MEGF11: variants seen among roughly 807,000 people sequenced by gnomAD.
MEGF11 encodes multiple EGF like domains 11, also known as multiple epidermal growth factor-like domains protein 11.
In MEGF11, 126 loss-of-function variants were observed where a neutral mutation model predicts 146.6. That is an observed-to-expected ratio of 0.86 (90% CI 0.74 to 1.00). The LOEUF (loss-of-function observed/expected upper bound fraction) is 1.00. Ranked by LOEUF, MEGF11 falls within the 50% of genes least tolerant of loss-of-function variation. MEGF11 has a pLI of 0.00. For synonymous variants in MEGF11, 532 were observed against 583.4 expected (o/e 0.91, Z 1.27); for missense variants, 1,509 against 1,521.2 (o/e 0.99, Z 0.13).
At chr15:66,021,525 AGAG>A (rs1486265103) in intron 5 of MEGF11, among the ~76,000 whole-genome samples, 1 of 152,248 alleles carries the variant, frequency 6.6e-6, no homozygotes, top group East Asian at 1.9e-4. Context: ...AGTCTGAAAT[AGAG>A]GAGAATTGGC....
chr15:66,093,459 G>A (rs1385072588), intron 5 of MEGF11, among the ~76,000 whole-genome samples: 15 of 152,176 alleles, frequency 9.9e-5, no homozygotes, highest in Non-Finnish European at 1.5e-5. Context: ...CCCCAAGATG[G>A]GCGAATAATC....
chr15:66,238,875 T>C (rs1275646460), intron 1 of MEGF11, among the ~76,000 whole-genome samples: 1 of 138,596 alleles, frequency 7.2e-6, no homozygotes, highest in Non-Finnish European at 1.5e-5. Flanking sequence ...ATAAACCATC[T>C]ACTAACTTAC....
At chr15:65,989,289 G>C (rs142235536) in intron 5 of MEGF11, among the ~76,000 whole-genome samples, 1 of 152,154 alleles carries the variant, frequency 6.6e-6, no homozygotes, top group Non-Finnish European at 1.5e-5. Context: ...TGAATTGAAG[G>C]TCAAGGGATG....
intron 1 of MEGF11, among the ~76,000 whole-genome samples, chr15:66,165,949 G>A (rs2090086134): frequency 6.6e-6 from 1 of 152,162 alleles, no homozygotes; most frequent in Non-Finnish European, 1.5e-5. Flanking sequence ...AGGCAGGGTG[G>A]CTGAGCTCTG....
chr15:65,974,638 CAGTG>C (rs1477102547), intron 7 of MEGF11, among the ~76,000 whole-genome samples: 2 of 152,058 alleles, frequency 1.3e-5, no homozygotes, highest in Non-Finnish European at 2.9e-5. Flanking sequence ...CTGGGCAACA[CAGTG>C]AGACTCCATC....
chr15:66,233,450 G>T (rs1232852078), intron 1 of MEGF11, among the ~76,000 whole-genome samples: 1 of 152,090 alleles, frequency 6.6e-6, no homozygotes, highest in Non-Finnish European at 1.5e-5. Context: ...TGGTCAGGCT[G>T]GTCTCGAACT....
rs550044679 is a variant in MEGF11, at chr15:66,094,627, G to T, written c.302-133C>A. 5.7e-6 allele frequency: 4 copies of T among 699,466 alleles called. No individual in the cohort carries two copies. The South Asian group carries it at 6.1e-5, about 11-fold the overall frequency. 43.3% of individuals were successfully genotyped at this position (699,466 alleles called of 1,614,324 possible). A position where few individuals can be genotyped will look rare whatever the true frequency, so the allele number is the denominator to read the frequency against. ...TGCTTAGAACGCATGACTGGCTTGG[G>T]GGGGAAAATCAAGCTACACCTGACC... On this transcript the variant is annotated intron_variant, in intron 4 of 25. Coordinates refer to ENST00000395614, the MANE Select transcript of MEGF11 (RefSeq NM_001385028.1).
intron 5 of MEGF11, among the ~76,000 whole-genome samples, chr15:66,027,171 A>AAGCACACTTCCAGACTGATC (rs1037977651): frequency 2.0e-5 from 3 of 152,178 alleles, no homozygotes; most frequent in African/African-American, 7.2e-5. Context: ...ACTCAGAAAC[A>AAGCACACTTCCAGACTGATC]AGCACACTTC....
intron 1 of MEGF11, among the ~76,000 whole-genome samples, chr15:66,248,230 C>A (rs774771854): frequency 6.6e-6 from 1 of 152,172 alleles, no homozygotes; most frequent in Non-Finnish European, 1.5e-5. Flanking sequence ...TGAAAAGCAT[C>A]CGGATCTTTC....
At chr15:65,901,921 G>C (rs778039107) in intron 24 of MEGF11, 2 of 151,904 alleles carry the variant, frequency 1.3e-5, no homozygotes. Context: ...TTAGTAAATA[G>C]TTTAGTCAGG....
chr15:66,169,283 T>C (rs1369243161), intron 1 of MEGF11, among the ~76,000 whole-genome samples: 1 of 152,214 alleles, frequency 6.6e-6, no homozygotes, highest in Non-Finnish European at 1.5e-5. Context: ...AATGATGCAA[T>C]TGAGCCACCT....
chr15:66,096,110 C>T (rs1474809186), intron 4 of MEGF11, among the ~76,000 whole-genome samples: 1 of 152,202 alleles, frequency 6.6e-6, no homozygotes, highest in African/African-American at 2.4e-5. Flanking sequence ...CTCAGCCCAG[C>T]CAGCTCCCAG....
At chr15:65,996,573 C>T (rs2082207566) in intron 5 of MEGF11, among the ~76,000 whole-genome samples, 2 of 151,978 alleles carry the variant, frequency 1.3e-5, no homozygotes, top group Admixed American at 1.3e-4. Context: ...GCAACCTCTG[C>T]CTCCCGGGTT....
chr15:66,168,565 C>A (rs1015247236), intron 1 of MEGF11, among the ~76,000 whole-genome samples: 17 of 152,194 alleles, frequency 1.1e-4, no homozygotes, highest in Admixed American at 1.3e-4. Context: ...GGGAGGGAAG[C>A]CACCAGTCCA....
At chr15:65,924,373 T>TG (rs72309249) in intron 13 of MEGF11, among the ~76,000 whole-genome samples, 9,273 of 40,922 alleles carry the variant, frequency 0.23, 512 homozygotes, top group African/African-American at 0.35. Flanking sequence ...GGGGTGTGGG[T>TG]GGGGGGGGGG....
At chr15:66,251,318 C>T (rs1182036189) in intron 1 of MEGF11, among the ~76,000 whole-genome samples, 1 of 152,224 alleles carries the variant, frequency 6.6e-6, no homozygotes, top group Non-Finnish European at 1.5e-5. Context: ...CTTGCCTTCT[C>T]CACGGACTAT....
chr15:66,252,274 TGGCAGAGCGCCGGAGG>T (rs1324146789), intron 1 of MEGF11, among the ~76,000 whole-genome samples: 13 of 119,752 alleles, frequency 1.1e-4, no homozygotes, highest in Admixed American at 3.3e-4. Flanking sequence ...CTTGTTTCCC[TGGCAGAGCGCCGGAGG>T]GGCGCTGGTG....
chr15:66,169,812 G>A (rs2090197634), intron 1 of MEGF11, among the ~76,000 whole-genome samples: 1 of 152,172 alleles, frequency 6.6e-6, no homozygotes, highest in South Asian at 2.1e-4. Flanking sequence ...ACCCGCAGGC[G>A]GAGCAGGAGC....
At chr15:66,213,991 C>A (rs2091525430) in intron 1 of MEGF11, among the ~76,000 whole-genome samples, 1 of 151,526 alleles carries the variant, frequency 6.6e-6, no homozygotes, top group Admixed American at 6.6e-5. Flanking sequence ...CTCCCTGAGA[C>A]CTCAGAAGCA....
Sources: allele counts gnomAD v4.1 joint callset (sites outside exome capture counted in the v4.1 genomes callset), GRCh38; gene constraint gnomAD v4.1.1; transcripts MANE v1.5; gene names NCBI Gene and HGNC (gene_info 2026-07-23, HGNC 2026-07-21).